Variants in SYN2 observed in about 807,000 individuals in gnomAD.
SYN2 encodes the protein synapsin-2.
SYN2 carries 19 observed loss-of-function variants against 50.9 expected under a neutral mutation model. The observed-to-expected ratio is 0.37, with a 90% CI of 0.26 to 0.55. The LOEUF is 0.55. Ranked by LOEUF, SYN2 falls within the 20% of genes least tolerant of loss-of-function variation. The pLI, the probability that SYN2 is intolerant of heterozygous loss-of-function variation, is 0.81. For missense variants in SYN2, 587 were observed against 576.4 expected (o/e 1.02, Z -0.19); for synonymous variants, 255 against 224.9 (o/e 1.13, Z -1.20).
intron 1 of SYN2, among the ~76,000 whole-genome samples, chr3:12,097,856 G>C (rs1271170947): frequency 6.6e-6 from 1 of 152,076 alleles, no homozygotes; most frequent in Non-Finnish European, 1.5e-5. Flanking sequence ...GCCTGTTGTG[G>C]GGTGGAGGAA....
chr3:12,146,656 T>A (rs549563035), intron 4 of SYN2, among the ~76,000 whole-genome samples: 99 of 152,332 alleles, frequency 6.5e-4, no homozygotes, highest in African/African-American at 2.4e-3. Flanking sequence ...GGCTCCTATA[T>A]AAGGAGGAAA....
chr3:12,086,534 T>C (rs1695705616), intron 1 of SYN2, among the ~76,000 whole-genome samples: 1 of 152,164 alleles, frequency 6.6e-6, no homozygotes, highest in South Asian at 2.1e-4. Context: ...AAGTGAGATT[T>C]ATCCCTGGGA....
At chr3:12,142,855 C>G (rs1326934312) in intron 3 of SYN2, among the ~76,000 whole-genome samples, 1 of 152,192 alleles carries the variant, frequency 6.6e-6, no homozygotes, top group Non-Finnish European at 1.5e-5. Context: ...CAGTGTCCAA[C>G]AGGAACTGGA....
At chr3:12,149,456 G>C (rs903562349) in intron 4 of SYN2, among the ~76,000 whole-genome samples, 1 of 152,210 alleles carries the variant, frequency 6.6e-6, no homozygotes, top group Non-Finnish European at 1.5e-5. Context: ...GCAAATTGAA[G>C]GACCAAAGTC....
intron 1 of SYN2, among the ~76,000 whole-genome samples, chr3:12,053,501 G>C (rs1291143746): frequency 6.6e-6 from 1 of 151,282 alleles, no homozygotes; most frequent in Non-Finnish European, 1.5e-5. Context: ...CTCATTATCT[G>C]ATAAATGTAC....
chr3:12,163,235 C>G (rs1485883381), intron 7 of SYN2, among the ~76,000 whole-genome samples: 4 of 80,956 alleles, frequency 4.9e-5, no homozygotes, highest in Non-Finnish European at 6.9e-5. Context: ...GTGCAAGACT[C>G]TGTCTCAAAA....
At chr3:12,050,541 T>A (rs891931611) in intron 1 of SYN2, among the ~76,000 whole-genome samples, 2 of 151,084 alleles carry the variant, frequency 1.3e-5, no homozygotes, top group Non-Finnish European at 3.0e-5. Context: ...ACATGGGGTT[T>A]CACCATATTG....
chr3:12,060,122 A>G (rs1169150674), intron 1 of SYN2, among the ~76,000 whole-genome samples: 1 of 152,160 alleles, frequency 6.6e-6, no homozygotes, highest in East Asian at 1.9e-4. Context: ...TGGTAGGAAC[A>G]CTTCAATGGT....
At position 12,151,257 on chromosome 3, in the gene SYN2, C is replaced by A; in HGVS notation, c.705C>A (p.Ile235=). The A allele has an allele frequency of 6.2e-7, 1 of 1,613,032 alleles. No homozygotes were observed. Among genetic ancestry groups the A allele is most frequent in the Non-Finnish European group, 8.5e-7 (1 of 1,179,628 alleles). Reference sequence around the variant, plus strand: ...TGCAGTTTGCCCAGCTGGTCGCTATCTATAAGACACTGGGAGGAGAAAAGT... The same window carrying A: ...TGCAGTTTGCCCAGCTGGTCGCTATATATAAGACACTGGGAGGAGAAAAGT... ...KPWVFAQLVA[I]YKTLGGEKFP... is the part of the protein sequence containing the mutation. Residue 235 remains isoleucine, a synonymous_variant, in exon 5 of 13, where the codon ATC becomes ATA. Transcript: ENST00000621198.
intron 1 of SYN2, among the ~76,000 whole-genome samples, chr3:12,038,319 T>C (rs1389306693): frequency 6.6e-6 from 1 of 152,194 alleles, no homozygotes; most frequent in Non-Finnish European, 1.5e-5. Flanking sequence ...TTCATTACTG[T>C]AGCTTTGTAG....
chr3:12,176,784 A>C (rs1003918449), intron 10 of SYN2, among the ~76,000 whole-genome samples: 2 of 152,254 alleles, frequency 1.3e-5, no homozygotes, highest in Non-Finnish European at 2.9e-5. Flanking sequence ...ATTAATTAAT[A>C]TCTTTAGCTC....
chr3:12,057,257 A>G (rs1425273012), intron 1 of SYN2, among the ~76,000 whole-genome samples: 1 of 146,040 alleles, frequency 6.8e-6, no homozygotes, highest in East Asian at 2.0e-4. Context: ...GTGCCACTGC[A>G]CTCCAACCTG....
At chr3:12,090,916 A>G (rs967004569) in intron 1 of SYN2, among the ~76,000 whole-genome samples, 1 of 152,326 alleles carries the variant, frequency 6.6e-6, no homozygotes, top group East Asian at 1.9e-4. Flanking sequence ...TTAAAATGTT[A>G]TAAGACAAAC....
At chr3:12,010,542 T>G (rs1237360232) in intron 1 of SYN2, among the ~76,000 whole-genome samples, 1 of 152,268 alleles carries the variant, frequency 6.6e-6, no homozygotes, top group African/African-American at 2.4e-5. Flanking sequence ...GATCTTGTAC[T>G]TAGAAATGTT....
At chr3:12,185,826 A>AAGGTAATACAGG in intron 11 of SYN2, 5 of 941,990 alleles carry the variant, frequency 5.3e-6, no homozygotes, top group South Asian at 4.9e-5. Context: ...ATTAACCTGT[A>AAGGTAATACAGG]TTACCTTACA....
chr3:12,155,763 C>A (rs555079781), intron 5 of SYN2, among the ~76,000 whole-genome samples: 2 of 152,218 alleles, frequency 1.3e-5, no homozygotes, highest in Admixed American at 6.5e-5. Context: ...GAACATGTTT[C>A]CTCATTTCCC....
intron 5 of SYN2, chr3:12,153,454 G>A (rs1697363041): frequency 1.9e-6 from 3 of 1,589,344 alleles, no homozygotes; most frequent in African/African-American, 2.7e-5. Context: ...AGCTCTGCAG[G>A]GAAGGAGAAC....
rs190268209 is a variant in SYN2, at chr3:12,009,507, G to A, written c.377+4579G>A. On this transcript the variant is annotated intron_variant, in intron 1 of 12. Transcript: ENST00000621198. ...AATCATCATCTAGCCTAGAGAAATGGAACATTTTGCCCAAGGTCAAATGAG... is the reference window on the plus strand; with the variant it reads ...AATCATCATCTAGCCTAGAGAAATGAAACATTTTGCCCAAGGTCAAATGAG... 5.5e-4 allele frequency among the ~76,000 whole-genome samples: 84 copies of A among 152,280 alleles called. 1 individual carries two copies. Among genetic ancestry groups the A allele is most frequent in the East Asian group, 5.8e-4 (3 of 5,180 alleles).
chr3:12,108,044 C>T (rs1696234066), intron 1 of SYN2, among the ~76,000 whole-genome samples: 1 of 152,002 alleles, frequency 6.6e-6, no homozygotes, highest in Non-Finnish European at 1.5e-5. Flanking sequence ...GACCCTGTCT[C>T]TACAAAAAAT....
Sources: allele counts gnomAD v4.1 joint callset (sites outside exome capture counted in the v4.1 genomes callset), GRCh38; gene constraint gnomAD v4.1.1; transcripts MANE v1.5; gene names NCBI Gene and HGNC (gene_info 2026-07-23, HGNC 2026-07-21).